SPG11: variants seen among roughly 807,000 people sequenced by gnomAD.
The protein encoded by SPG11 is SPG11 vesicle trafficking associated, spatacsin.
A neutral mutation model predicts 274.0 loss-of-function variants in SPG11; 222 were observed. That is an observed-to-expected ratio of 0.81 (90% CI 0.73 to 0.91). The LOEUF is 0.91. SPG11 is among the 40% of genes least tolerant of loss of function. The pLI is 0.00. For synonymous variants in SPG11, 1,144 were observed against 1,039.7 expected (o/e 1.10, Z -1.93); for missense variants, 3,114 against 2,872.7 (o/e 1.08, Z -1.92).
intron 7 of SPG11, among the ~76,000 whole-genome samples, chr15:44,637,000 A>T (rs2084296987): frequency 6.7e-6 from 1 of 149,020 alleles, no homozygotes; most frequent in South Asian, 2.2e-4. Context: ...ATAGTTGGTG[A>T]ACTAGGTGAA....
At position 44,615,364 on chromosome 15, in the gene SPG11, T is replaced by C. The variant is rs111347025; in HGVS notation, c.3037A>G (p.Lys1013Glu). Residue 1013 changes from lysine (K) to glutamate (E), a missense_variant and splice_region_variant, in exon 16 of 40, where the codon AAA becomes GAA. Physicochemically the swap from Lys to Glu is moderately conservative, Grantham distance 56. Coordinates refer to ENST00000261866, the MANE Select transcript of SPG11 (RefSeq NM_025137.4). ...HLLYVYLDCYKLSPENCPFLE... is the reference protein window; with the variant it reads ...HLLYVYLDCYELSPENCPFLE... ...GACAAATGCATTCTCAGTACTCACTTGTAACAGTCAAGGTAGACATAAAGA... is the reference window on the plus strand; with the variant it reads ...GACAAATGCATTCTCAGTACTCACTCGTAACAGTCAAGGTAGACATAAAGA... 18,382 of 1,613,368 alleles carry C rather than the reference T, an allele frequency of 0.011. 137 individuals are homozygous for C. Among genetic ancestry groups the C allele is most frequent in the Non-Finnish European group, 0.013 (15,369 of 1,179,840 alleles).
chr15:44,596,023 C>A (rs1482627779), intron 25 of SPG11, 60 bp downstream of exon 25: 1 of 1,601,088 alleles, frequency 6.2e-7, no homozygotes. Flanking sequence ...CCTTTCCTGT[C>A]CCTCATTACT....
intron 39 of SPG11, 27 bp downstream of exon 39, chr15:44,564,520 T>C (rs376488442): frequency 1.2e-5 from 20 of 1,611,444 alleles, no homozygotes; most frequent in Non-Finnish European, 1.5e-5. Flanking sequence ...CAAGGAGCAA[T>C]GTTTACAGTC....
chr15:44,617,315 A>C (rs2083614153), intron 15 of SPG11, among the ~76,000 whole-genome samples: 1 of 152,188 alleles, frequency 6.6e-6, no homozygotes, highest in African/African-American at 2.4e-5. Context: ...GAAGATATTC[A>C]CTTATAGCAT....
chr15:44,638,228 G>A (rs1389781477), intron 7 of SPG11, among the ~76,000 whole-genome samples: 2 of 152,176 alleles, frequency 1.3e-5, no homozygotes, highest in Non-Finnish European at 2.9e-5. Context: ...TTGGGAGGTC[G>A]AGGCGGGTGG....
intron 15 of SPG11, among the ~76,000 whole-genome samples, chr15:44,618,051 AT>A (rs1482033806): frequency 1.3e-5 from 2 of 152,210 alleles, no homozygotes; most frequent in African/African-American, 2.4e-5. Flanking sequence ...AAACAAAAAA[AT>A]AACCGCTGGG....
rs776154524 is a variant in SPG11, at chr15:44,598,745, A to G, written c.3778T>C (p.Leu1260=). The change falls in exon 22 of 40, where the codon TTG becomes CTG. Residue 1260 remains leucine, a synonymous_variant. Coordinates refer to ENST00000261866, the MANE Select transcript of SPG11 (RefSeq NM_025137.4). ...AGCTTGAGGCTGTCAAGGCCAAGCA[A>G]TTCTAAGAAACAAACACATGCAGCT... ...IGAACVCFLE[L]LGLDSLKLRV... 5.6e-6 allele frequency: 9 copies of G among 1,614,092 alleles called. No individual in the cohort carries two copies. The highest frequency in any genetic ancestry group is 7.6e-6 in the Non-Finnish European group (9 of 1,180,052).
chr15:44,654,313 C>A (rs1477737915), intron 4 of SPG11, among the ~76,000 whole-genome samples: 4 of 151,940 alleles, frequency 2.6e-5, no homozygotes, highest in Non-Finnish European at 5.9e-5. Context: ...CGTTCAAGAC[C>A]AGCCCGGCCA....
Position 44,583,833 on chromosome 15 carries a change from G to C in SPG11, c.5847C>G (p.Pro1949=). ...ELLEEEAPDI[P]LRRVHSTSSL... ...ACTTACTGCTGTGGACTCTCCTTAG[G>C]GGAATGTCGGGTGCTTCTTCCTCAA... The change falls in exon 30 of 40, where the codon CCC becomes CCG. Residue 1949 remains proline, a synonymous_variant. Transcript: ENST00000261866. 1 of 1,614,152 alleles carries C rather than the reference G, an allele frequency of 6.2e-7. No individual in the cohort carries two copies.
At chr15:44,614,057 TAA>T (rs1001911100) in intron 16 of SPG11, among the ~76,000 whole-genome samples, 2 of 151,936 alleles carry the variant, frequency 1.3e-5, no homozygotes, top group Non-Finnish European at 2.9e-5. Flanking sequence ...AAAAAAGAAA[TAA>T]AAAGCTTACA....
chr15:44,632,771 G>GTGTTAGGA (rs2084109749), intron 8 of SPG11, among the ~76,000 whole-genome samples: 1 of 151,986 alleles, frequency 6.6e-6, no homozygotes, highest in Non-Finnish European at 1.5e-5. Flanking sequence ...GGCCCCTAAA[G>GTGTTAGGA]TGTTAGGATT....
At chr15:44,573,379 A>C in intron 32 of SPG11, 168 bp downstream of exon 32, 1 of 717,258 alleles carries the variant, frequency 1.4e-6, no homozygotes, top group Non-Finnish European at 2.4e-6. Context: ...TGTATTTTGT[A>C]AAAAATAAAG....
rs2082225418 is a variant in SPG11, at chr15:44,563,082, C to G, written c.*39G>C. On this transcript the variant is annotated 3_prime_UTR_variant, in exon 40 of 40. Transcript: ENST00000261866. ...TTCTTCTCATCACATCTGTCAGAAT[C>G]TGCTAACAGTACAAGAAAACAGACA... 1 of 1,593,496 alleles carries G rather than the reference C, an allele frequency of 6.3e-7. No homozygotes were observed. Among genetic ancestry groups the G allele is most frequent in the Admixed American group, 1.7e-5 (1 of 59,946 alleles).
At chr15:44,568,263 T>C (rs1567127664) in intron 35 of SPG11, among the ~76,000 whole-genome samples, 4 of 152,224 alleles carry the variant, frequency 2.6e-5, no homozygotes, top group African/African-American at 4.8e-5. Context: ...GAAAAAGTTA[T>C]TAAAATATTT....
intron 30 of SPG11, among the ~76,000 whole-genome samples, chr15:44,578,325 C>T (rs1352916754): frequency 6.6e-6 from 1 of 152,030 alleles, no homozygotes; most frequent in Non-Finnish European, 1.5e-5. Flanking sequence ...GCCACCGCGC[C>T]TGGCCAGAGG....
chr15:44,630,879 G>C (rs2084042348), intron 8 of SPG11, among the ~76,000 whole-genome samples: 1 of 152,004 alleles, frequency 6.6e-6, no homozygotes. Flanking sequence ...CACCCAGTCT[G>C]AGAATGTGTT....
chr15:44,636,354 T>C (rs184992451), intron 7 of SPG11, among the ~76,000 whole-genome samples: 286 of 152,238 alleles, frequency 1.9e-3, no homozygotes, highest in Middle Eastern at 0.01. Flanking sequence ...TAGAATATTC[T>C]TGTTCTTATG....
intron 16 of SPG11, 49 bp from the exon 17 acceptor site, chr15:44,613,585 G>A (rs2083516781): frequency 8.1e-7 from 1 of 1,234,276 alleles, no homozygotes; most frequent in African/African-American, 1.5e-5. Context: ...TACAGGATAA[G>A]ACAATTACAA....
chr15:44,598,786 T>C lies in SPG11; in HGVS notation c.3737A>G (p.His1246Arg), dbSNP rs1245472055. ...EAYVIGLSSF[H>R]IPSIGAACVC... The stretch of plus-strand genomic sequence containing the variant: ...ACATGCAGCTCCTATTGAAGGTATG[T>C]GGAAGGAGGAGAGCCCTATAACATA... The change falls in exon 22 of 40, where the codon CAC becomes CGC. Residue 1246 changes from histidine to arginine, a missense_variant. Physicochemically the swap from His to Arg is conservative, Grantham distance 29 (BLOSUM62 0). Coordinates refer to ENST00000261866, the MANE Select transcript of SPG11 (RefSeq NM_025137.4). 1.2e-6 allele frequency: 2 copies of C among 1,614,084 alleles called. No homozygotes were observed. The highest frequency in any genetic ancestry group is 2.7e-5 in the African/African-American group (2 of 74,926).
Sources: allele counts gnomAD v4.1 joint callset (sites outside exome capture counted in the v4.1 genomes callset), GRCh38; gene constraint gnomAD v4.1.1; transcripts MANE v1.5; gene names NCBI Gene and HGNC (gene_info 2026-07-23, HGNC 2026-07-21).